Variants in PLD5 observed in about 807,000 individuals in gnomAD.
PLD5 encodes phospholipase D family member 5.
PLD5 carries 36 observed loss-of-function variants against 61.1 expected under a neutral mutation model. That is an observed-to-expected ratio of 0.59 (90% confidence interval 0.45 to 0.78). The LOEUF (loss-of-function observed/expected upper bound fraction) is 0.78. PLD5 is among the 30% of genes least tolerant of loss of function. PLD5 has a pLI of 0.00. For missense variants in PLD5, 515 were observed against 644.4 expected, an observed-to-expected ratio of 0.80 and a Z score of 2.17; for synonymous variants, 243 against 242.8, an observed-to-expected ratio of 1.00 and a Z score of -0.01.
intron 5 of PLD5, among the ~76,000 whole-genome samples, chr1:242,183,402 T>C (rs1667646239): frequency 6.6e-6 from 1 of 152,266 alleles, no homozygotes; most frequent in Middle Eastern, 3.4e-3. Context: ...GTATAATGCT[T>C]TATTTGTCAA....
intron 4 of PLD5, among the ~76,000 whole-genome samples, chr1:242,262,962 G>T (rs1337948291): frequency 6.6e-6 from 1 of 152,038 alleles, no homozygotes; most frequent in Admixed American, 6.6e-5. Flanking sequence ...CTTCATGAGG[G>T]CTAGGTTTCA....
chr1:242,412,580 C>A (rs530310598), intron 1 of PLD5, among the ~76,000 whole-genome samples: 24 of 152,196 alleles, frequency 1.6e-4, no homozygotes, highest in African/African-American at 5.5e-4. Context: ...CAGTACGTAA[C>A]CTTTGGGGAT....
At chr1:242,453,419 T>C (rs1423998933) in intron 1 of PLD5, among the ~76,000 whole-genome samples, 1 of 152,238 alleles carries the variant, frequency 6.6e-6, no homozygotes, top group Non-Finnish European at 1.5e-5. Context: ...TAATACCTAT[T>C]TCATTTAGTG....
intron 4 of PLD5, among the ~76,000 whole-genome samples, chr1:242,253,428 C>T (rs1274295140): frequency 1.3e-5 from 2 of 151,318 alleles, no homozygotes. Context: ...ATTCTCCTGC[C>T]TCAGCCTCCC....
intron 3 of PLD5, among the ~76,000 whole-genome samples, chr1:242,278,363 G>GAATT (rs1674529717): frequency 6.6e-6 from 1 of 152,164 alleles, no homozygotes; most frequent in Non-Finnish European, 1.5e-5. Flanking sequence ...TTTATTCATG[G>GAATT]CCATATGATT....
chr1:242,465,440 T>A (rs533910523), intron 1 of PLD5, among the ~76,000 whole-genome samples: 2 of 152,364 alleles, frequency 1.3e-5, no homozygotes, highest in Non-Finnish European at 2.9e-5. Flanking sequence ...GTCACTTGTC[T>A]ACTTGAAACT....
intron 5 of PLD5, among the ~76,000 whole-genome samples, chr1:242,185,043 A>G (rs912103072): frequency 6.6e-6 from 1 of 152,226 alleles, no homozygotes; most frequent in African/African-American, 2.4e-5. Flanking sequence ...ATCACATTGC[A>G]TAAAACAATG....
chr1:242,437,489 G>A (rs940482119), intron 1 of PLD5, among the ~76,000 whole-genome samples: 4 of 152,114 alleles, frequency 2.6e-5, no homozygotes, highest in African/African-American at 9.7e-5. Context: ...CTGAGGTCAG[G>A]AGTTCAAGAC....
In PLD5 at chr1:242,090,019, G is replaced by A. The variant is rs768370737; in HGVS notation, c.1446C>T (p.Ile482=). The A allele has an allele frequency of 3.7e-5, 59 of 1,614,084 alleles. No homozygotes were observed. In the Middle Eastern group the frequency reaches 1.3e-3, roughly 36 times the overall value. The change falls in exon 10 of 10, where the codon ATC becomes ATT. Residue 482 remains isoleucine (I), a synonymous_variant. Transcript: ENST00000536534. ...CAAACACATCTTTAAGTTGCTTAATGATGCTTCTGTTGTTCCTCACATCTG... is the reference window on the plus strand; with the variant it reads ...CAAACACATCTTTAAGTTGCTTAATAATGCTTCTGTTGTTCCTCACATCTG... ...NQADVRNNRS[I]IKQLKDVFER...
rs11361107 is a variant in PLD5 at position 242,404,875 on chromosome 1, A to ATTTTTTTTTTTTTTTTTTTTTTTT, written c.190-56634_190-56633insAAAAAAAAAAAAAAAAAAAAAAAA. ...CATGCCTCTTATCTGTTCCCTGCTA[A>ATTTTTTTTTTTTTTTTTTTTTTTT]TTTTTTTTTTTTTTTTTTTTTTGAG... On this transcript the variant is annotated intron_variant, in intron 1 of 9. Coordinates refer to ENST00000536534, the MANE Select transcript of PLD5 (RefSeq NM_001372062.1). 4.5e-4 allele frequency among the ~76,000 whole-genome samples: 34 copies of ATTTTTTTTTTTTTTTTTTTTTTTT among 75,398 alleles called. 2 individuals carry two copies. The highest frequency in any genetic ancestry group is 8.6e-4 in the African/African-American group (14 of 16,362). The allele number at this position is 75,398 out of a possible 152,430, so 49.5% of individuals were successfully genotyped here.
intron 1 of PLD5, among the ~76,000 whole-genome samples, chr1:242,388,046 C>T (rs1662701945): frequency 6.6e-6 from 1 of 152,112 alleles, no homozygotes; most frequent in African/African-American, 2.4e-5. Context: ...AGATCAGAGA[C>T]ATTTTCAGAG....
intron 8 of PLD5, among the ~76,000 whole-genome samples, chr1:242,105,817 TAGAGAG>T (rs60774620): frequency 1.3e-5 from 2 of 152,016 alleles, no homozygotes; most frequent in East Asian, 3.9e-4. Flanking sequence ...ACTCTATCAT[TAGAGAG>T]AGAGAAGTCT....
At chr1:242,207,954 T>TA (rs1669534529) in intron 5 of PLD5, among the ~76,000 whole-genome samples, 1 of 18,074 alleles carries the variant, frequency 5.5e-5, no homozygotes, top group Non-Finnish European at 8.4e-5. Flanking sequence ...ATATATTTAT[T>TA]TATATATATT....
intron 2 of PLD5, among the ~76,000 whole-genome samples, chr1:242,298,011 T>C (rs1675811345): frequency 6.6e-6 from 1 of 152,270 alleles, no homozygotes; most frequent in African/African-American, 2.4e-5. Context: ...TTGTTGCATA[T>C]ATTGCCAATG....
intron 9 of PLD5, among the ~76,000 whole-genome samples, chr1:242,097,203 T>C (rs1449379285): frequency 6.6e-6 from 1 of 152,242 alleles, no homozygotes; most frequent in African/African-American, 2.4e-5. Context: ...AGTGCCACAA[T>C]AAACATACGT....
chr1:242,393,201 C>CAA (rs573903104), intron 1 of PLD5, among the ~76,000 whole-genome samples: 2 of 73,714 alleles, frequency 2.7e-5, no homozygotes, highest in East Asian at 3.2e-4. Context: ...GACTCCGTCT[C>CAA]AAAAAAATAT....
chr1:242,100,842 G>T lies in PLD5; in HGVS notation c.1240-60C>A, dbSNP rs534153501. The T allele has an allele frequency of 4.6e-5, 53 of 1,150,396 alleles. No homozygotes were observed. In the African/African-American group the frequency reaches 7.7e-4, roughly 17 times the overall value. 71.3% of individuals were successfully genotyped at this position (1,150,396 alleles called of 1,614,324 possible). A position where few individuals can be genotyped will look rare whatever the true frequency, so the allele number is the denominator to read the frequency against. On this transcript the variant is annotated intron_variant, in intron 8 of 9. Coordinates refer to ENST00000536534, the MANE Select transcript of PLD5 (RefSeq NM_001372062.1). Reference sequence around the variant, plus strand: ...GAGGAACGTTTCTGGTCTTGTCCAAGAGCACAAAAGAATGCATTATCCAAA... The same window carrying T: ...GAGGAACGTTTCTGGTCTTGTCCAATAGCACAAAAGAATGCATTATCCAAA...
chr1:242,266,537 T>C (rs1424955368), intron 3 of PLD5, among the ~76,000 whole-genome samples: 1 of 152,212 alleles, frequency 6.6e-6, no homozygotes, highest in Non-Finnish European at 1.5e-5. Context: ...TTATCATCCT[T>C]TGTATGTTTT....
At chr1:242,353,885 A>G (rs1450181399) in intron 1 of PLD5, among the ~76,000 whole-genome samples, 1 of 151,676 alleles carries the variant, frequency 6.6e-6, no homozygotes, top group East Asian at 1.9e-4. Context: ...TATAAATGGG[A>G]TTATTCTCTC....
Sources: allele counts gnomAD v4.1 joint callset (sites outside exome capture counted in the v4.1 genomes callset), GRCh38; gene constraint gnomAD v4.1.1; transcripts MANE v1.5; gene names NCBI Gene and HGNC (gene_info 2026-07-23, HGNC 2026-07-21).